EIF4G3: variants seen among roughly 807,000 people sequenced by gnomAD.
EIF4G3 encodes eIF-4-gamma 3.
In EIF4G3, 34 loss-of-function variants were observed where a neutral mutation model predicts 186.4. That is an observed-to-expected ratio of 0.18 (90% CI 0.14 to 0.24). The LOEUF is 0.24. Ranked by LOEUF, EIF4G3 falls within the 10% of genes least tolerant of loss-of-function variation. The pLI, the probability that EIF4G3 is intolerant of heterozygous loss-of-function variation, is 1.00. For synonymous variants in EIF4G3, 673 were observed against 679.5 expected (o/e 0.99, Z 0.15); for missense variants, 1,536 against 1,948.5 (o/e 0.79, Z 3.99).
At chr1:20,815,367 T>A in intron 34 of EIF4G3, among the ~76,000 whole-genome samples, 1 of 126,616 alleles carries the variant, frequency 7.9e-6, no homozygotes, top group Admixed American at 8.0e-5. Flanking sequence ...CCATCCCATC[T>A]AGGAAGTGAG....
At chr1:20,989,277 C>T (rs1020518245) in intron 7 of EIF4G3, among the ~76,000 whole-genome samples, 6 of 151,186 alleles carry the variant, frequency 4.0e-5, no homozygotes, top group African/African-American at 9.7e-5. Context: ...GTGCCTGGGC[C>T]GGGCACAGTG....
At chr1:20,933,997 G>A (rs2095431649) in intron 14 of EIF4G3, among the ~76,000 whole-genome samples, 1 of 152,214 alleles carries the variant, frequency 6.6e-6, no homozygotes, top group South Asian at 2.1e-4. Context: ...ACTACGCCCA[G>A]CTGATGGAAC....
At chr1:20,822,067 G>C (rs939016857) in intron 33 of EIF4G3, among the ~76,000 whole-genome samples, 6 of 151,954 alleles carry the variant, frequency 3.9e-5, no homozygotes, top group African/African-American at 1.5e-4. Flanking sequence ...TAGTAGAGAC[G>C]GGGATTCACC....
chr1:21,078,308 A>G (rs1358325101), intron 3 of EIF4G3, among the ~76,000 whole-genome samples: 1 of 152,168 alleles, frequency 6.6e-6, no homozygotes, highest in African/African-American at 2.4e-5. Flanking sequence ...AACAACAGAA[A>G]TGGAAGAGGA....
chr1:20,936,860 A>G (rs2154561755), intron 14 of EIF4G3, among the ~76,000 whole-genome samples: 1 of 152,350 alleles, frequency 6.6e-6, no homozygotes, highest in South Asian at 2.1e-4. Context: ...TTTTGTTAAC[A>G]TTACCAAAAC....
chr1:20,997,206 CA>C (rs1199023238), intron 7 of EIF4G3, among the ~76,000 whole-genome samples: 1 of 151,990 alleles, frequency 6.6e-6, no homozygotes, highest in Admixed American at 6.6e-5. Flanking sequence ...TTATACACAT[CA>C]ATACAGGTTA....
chr1:20,823,015 G>A (rs1289861002), intron 33 of EIF4G3, among the ~76,000 whole-genome samples: 1 of 151,924 alleles, frequency 6.6e-6, no homozygotes, highest in Non-Finnish European at 1.5e-5. Context: ...GGTTGCTACT[G>A]CAAAGTCTAA....
chr1:20,836,431 C>T (rs567581325), intron 30 of EIF4G3, among the ~76,000 whole-genome samples: 1 of 151,918 alleles, frequency 6.6e-6, no homozygotes, highest in African/African-American at 2.4e-5. Flanking sequence ...ATTTTTTTTA[C>T]AGATGGGGTC....
At chr1:20,808,378 G>A (rs2058537773) in intron 36 of EIF4G3, among the ~76,000 whole-genome samples, 1 of 151,832 alleles carries the variant, frequency 6.6e-6, no homozygotes, top group African/African-American at 2.4e-5. Context: ...TCCTTGTAAT[G>A]TTGTTTTAAA....
intron 18 of EIF4G3, among the ~76,000 whole-genome samples, chr1:20,889,725 T>G (rs370052838): frequency 1.3e-5 from 2 of 152,158 alleles, no homozygotes; most frequent in East Asian, 3.9e-4. Flanking sequence ...CTCCTGGCCT[T>G]GCGATCCACC....
At chr1:20,849,183 T>C (rs558892276) in intron 29 of EIF4G3, among the ~76,000 whole-genome samples, 13 of 152,122 alleles carry the variant, frequency 8.5e-5, no homozygotes, top group South Asian at 2.1e-4. Context: ...TGGGGATGGA[T>C]TGGTACTCAT....
At chr1:20,887,424 G>A (rs375989750) in intron 18 of EIF4G3, among the ~76,000 whole-genome samples, 1 of 152,070 alleles carries the variant, frequency 6.6e-6, no homozygotes, top group African/African-American at 2.4e-5. Flanking sequence ...GTTTCTAGGC[G>A]ATAACACAGT....
chr1:20,847,882 A>G, intron 29 of EIF4G3: 3 of 470,402 alleles, frequency 6.4e-6, no homozygotes, highest in South Asian at 3.1e-5. Context: ...TGAAGGCTTT[A>G]GAAGATTGAA....
intron 14 of EIF4G3, among the ~76,000 whole-genome samples, chr1:20,907,665 T>C (rs1370195489): frequency 6.6e-6 from 1 of 152,070 alleles, no homozygotes; most frequent in Non-Finnish European, 1.5e-5. Flanking sequence ...GTCCTTGCGA[T>C]ATTTTGCTGA....
intron 3 of EIF4G3, among the ~76,000 whole-genome samples, chr1:21,082,670 G>C (rs773846788): frequency 6.6e-6 from 1 of 152,116 alleles, no homozygotes; most frequent in Non-Finnish European, 1.5e-5. Flanking sequence ...GAGTGGCTGA[G>C]GTGAGAGGAT....
rs76716397 is a variant in EIF4G3 at position 21,172,345 on chromosome 1, T to G, written c.-272+3830A>C. On this transcript the variant is annotated intron_variant, in intron 2 of 36. Transcript: ENST00000602326. ...TCACAGCAGAGTTATCAGTTATCAC[T>G]GTACTTGCCTCATGACGTTTTGTTT... Among the ~76,000 whole-genome samples the G allele has an allele frequency of 7.0e-3, 1,059 of 152,304 alleles. 7 individuals carry two copies. Among genetic ancestry groups the G allele is most frequent in the Non-Finnish European group, 0.011 (730 of 68,022 alleles).
chr1:21,123,804 T>G (rs888681518), intron 2 of EIF4G3, among the ~76,000 whole-genome samples: 5 of 152,086 alleles, frequency 3.3e-5, no homozygotes, highest in African/African-American at 9.7e-5. Flanking sequence ...TACACAAACC[T>G]TATCCAGTGC....
chr1:20,847,463 C>T (rs1054667129), intron 29 of EIF4G3, among the ~76,000 whole-genome samples: 1 of 152,110 alleles, frequency 6.6e-6, no homozygotes, highest in Non-Finnish European at 1.5e-5. Flanking sequence ...GTCTTTTACT[C>T]CCTATACCTC....
chr1:20,872,405 G>A (rs377584231), intron 20 of EIF4G3, among the ~76,000 whole-genome samples: 8 of 152,042 alleles, frequency 5.3e-5, no homozygotes, highest in Non-Finnish European at 5.9e-5. Flanking sequence ...TTATTGGCAT[G>A]AGCCACCACA....
Sources: allele counts gnomAD v4.1 joint callset (sites outside exome capture counted in the v4.1 genomes callset), GRCh38; gene constraint gnomAD v4.1.1; transcripts MANE v1.5; gene names NCBI Gene and HGNC (gene_info 2026-07-23, HGNC 2026-07-21).